Variants in CRACD observed in about 807,000 individuals in gnomAD.
The protein encoded by CRACD is capping protein inhibiting regulator of actin dynamics.
In CRACD, 56 loss-of-function variants were observed where a neutral mutation model predicts 106.8. The observed-to-expected ratio is 0.52, with a 90% CI of 0.42 to 0.66. The LOEUF (loss-of-function observed/expected upper bound fraction) is 0.66, where lower values mean the gene tolerates loss of function less well. Ranked by LOEUF, CRACD falls within the 30% of genes least tolerant of loss-of-function variation. The probability of loss-of-function intolerance (pLI) is 0.00; values close to 1 mark genes in which losing one functional copy is unlikely to be tolerated. For synonymous variants in CRACD, 754 were observed against 670.8 expected, an observed-to-expected ratio of 1.12 and a Z score of -1.92; for missense variants, 1,730 against 1,623.2, an observed-to-expected ratio of 1.07 and a Z score of -1.13.
chr4:56,198,906 C>T (rs749861976), intron 2 of CRACD, among the ~76,000 whole-genome samples: 1 of 152,194 alleles, frequency 6.6e-6, no homozygotes, highest in African/African-American at 2.4e-5. Context: ...GAGGAGCCAT[C>T]GATTATGTAG....
At chr4:56,279,063 G>A (rs1742846800) in intron 3 of CRACD, among the ~76,000 whole-genome samples, 1 of 151,782 alleles carries the variant, frequency 6.6e-6, no homozygotes, top group Non-Finnish European at 1.5e-5. Context: ...AATATTAATG[G>A]TTTAGGGTAA....
intron 8 of CRACD, among the ~76,000 whole-genome samples, chr4:56,322,436 T>C (rs142717967): frequency 1.4e-3 from 220 of 152,298 alleles, no homozygotes; most frequent in Non-Finnish European, 1.7e-3. Context: ...CCCAATTACA[T>C]AGGTGAGACA....
At chr4:56,303,554 A>G (rs988505207) in intron 4 of CRACD, among the ~76,000 whole-genome samples, 4 of 152,246 alleles carry the variant, frequency 2.6e-5, no homozygotes, top group African/African-American at 9.6e-5. Context: ...ATTTATCCAC[A>G]TAGTCAATTC....
chr4:56,287,305 G>T (rs568295384), intron 3 of CRACD, among the ~76,000 whole-genome samples: 126 of 142,612 alleles, frequency 8.8e-4, no homozygotes, highest in Admixed American at 1.7e-3. Flanking sequence ...TTTTTTTTTT[G>T]ATACAGAGTC....
Position 56,175,525 on chromosome 4 carries a change from G to T in CRACD, c.-335-3759G>T, listed in dbSNP as rs562027985. 5.9e-5 allele frequency among the ~76,000 whole-genome samples: 9 copies of T among 151,740 alleles called. No homozygotes were observed. The South Asian group carries it at 1.0e-3, about 18-fold the overall frequency. The stretch of plus-strand genomic sequence containing the variant: ...TTTTAAAATTTTTTAAATTTTTGTG[G>T]GTATGTAGTTATGAATTACATGAGA... On this transcript the variant is annotated intron_variant, in intron 1 of 10. Transcript: ENST00000682029.
intron 2 of CRACD, among the ~76,000 whole-genome samples, chr4:56,244,302 G>A (rs1740550545): frequency 6.6e-6 from 1 of 152,096 alleles, no homozygotes; most frequent in Non-Finnish European, 1.5e-5. Flanking sequence ...TCATATGCTG[G>A]CAATGATGTT....
At chr4:56,207,589 A>G (rs1193618310) in intron 2 of CRACD, among the ~76,000 whole-genome samples, 1 of 151,908 alleles carries the variant, frequency 6.6e-6, no homozygotes, top group African/African-American at 2.4e-5. Context: ...CTGGCTGCAA[A>G]ATCCTCCACA....
At chr4:56,112,053 C>T (rs1734139613) in intron 1 of CRACD, among the ~76,000 whole-genome samples, 1 of 152,166 alleles carries the variant, frequency 6.6e-6, no homozygotes, top group African/African-American at 2.4e-5. Context: ...TGCACCTAAA[C>T]AATACTGCTT....
At chr4:56,319,766 T>C (rs1160556571) in intron 8 of CRACD, among the ~76,000 whole-genome samples, 1 of 152,190 alleles carries the variant, frequency 6.6e-6, no homozygotes, top group Non-Finnish European at 1.5e-5. Context: ...TAAAGAGGCC[T>C]GCATTGCCAA....
intron 2 of CRACD, among the ~76,000 whole-genome samples, chr4:56,247,917 C>T (rs13140685): frequency 0.59 from 89,432 of 151,372 alleles, 26,854 homozygotes; most frequent in Middle Eastern, 0.72. Flanking sequence ...GCATGGGATG[C>T]GTCATACTTA....
intron 3 of CRACD, among the ~76,000 whole-genome samples, chr4:56,289,156 G>A (rs894694243): frequency 6.6e-6 from 1 of 152,162 alleles, no homozygotes; most frequent in African/African-American, 2.4e-5. Context: ...TGGATATGAA[G>A]TTTAGGATGA....
intron 1 of CRACD, among the ~76,000 whole-genome samples, chr4:56,120,656 C>G (rs1374696664): frequency 3.9e-5 from 6 of 152,126 alleles, no homozygotes; most frequent in Admixed American, 2.6e-4. Context: ...GATTATAAAG[C>G]TTAGGTCTAT....
At chr4:56,301,706 T>C (rs1187236701) in intron 4 of CRACD, among the ~76,000 whole-genome samples, 1 of 151,770 alleles carries the variant, frequency 6.6e-6, no homozygotes, top group East Asian at 1.9e-4. Flanking sequence ...CCGAGAACTG[T>C]CTTAGTTTGC....
chr4:56,113,583 G>A (rs1264739895), intron 1 of CRACD, among the ~76,000 whole-genome samples: 3 of 152,108 alleles, frequency 2.0e-5, no homozygotes, highest in South Asian at 2.1e-4. Context: ...GAGCTAAGAC[G>A]ATTGAGCAAA....
intron 1 of CRACD, among the ~76,000 whole-genome samples, chr4:56,116,897 AGG>A (rs916218658): frequency 2.0e-5 from 3 of 151,454 alleles, no homozygotes; most frequent in African/African-American, 7.3e-5. Flanking sequence ...TGGTAGAGAC[AGG>A]GTTTCGCCAT....
intron 1 of CRACD, among the ~76,000 whole-genome samples, chr4:56,110,411 TA>T (rs746418601): frequency 1.3e-5 from 2 of 152,024 alleles, no homozygotes; most frequent in African/African-American, 2.4e-5. Context: ...AACCAGGAAA[TA>T]GTGCATTTAC....
At chr4:56,141,739 G>A (rs371297040) in intron 1 of CRACD, among the ~76,000 whole-genome samples, 2 of 119,726 alleles carry the variant, frequency 1.7e-5, no homozygotes, top group Non-Finnish European at 3.2e-5. Flanking sequence ...TATCACCCAC[G>A]CTGGGGTGCA....
intron 1 of CRACD, among the ~76,000 whole-genome samples, chr4:56,067,635 G>A (rs986986109): frequency 6.6e-6 from 1 of 152,136 alleles, no homozygotes; most frequent in African/African-American, 2.4e-5. Flanking sequence ...GAGTGCAGTG[G>A]CATGGTCTCG....
chr4:56,217,984 G>T lies in CRACD; in HGVS notation c.-189+38554G>T, dbSNP rs77125540. Among the ~76,000 whole-genome samples the T allele has an allele frequency of 2.7e-3, 416 of 152,230 alleles. 1 individual carries two copies. Among genetic ancestry groups the T allele is most frequent in the African/African-American group, 9.0e-3 (374 of 41,524 alleles). ...TCTTCTTGCCTCTGTCCTGGCTTCT[G>T]GTAGCCTTAGGTGTTCCTCGGCTTG... On this transcript the variant is annotated intron_variant, in intron 2 of 10. Transcript: ENST00000682029.
Sources: allele counts gnomAD v4.1 joint callset (sites outside exome capture counted in the v4.1 genomes callset), GRCh38; gene constraint gnomAD v4.1.1; transcripts MANE v1.5; gene names NCBI Gene and HGNC (gene_info 2026-07-23, HGNC 2026-07-21).